DNAH9: variants seen among roughly 807,000 people sequenced by gnomAD.
DNAH9 encodes DNAH9 variant protein.
A neutral mutation model predicts 471.6 loss-of-function variants in DNAH9; 345 were observed. The ratio of observed to expected loss-of-function variants is 0.73; its 90% confidence interval spans 0.67 to 0.80. The LOEUF is 0.80. Among genes scored for constraint, DNAH9 ranks in the 30% least tolerant of loss-of-function variants. The pLI is 0.00. For synonymous variants in DNAH9, 2,093 were observed against 2,123.6 expected, an observed-to-expected ratio of 0.99 and a Z score of 0.40; for missense variants, 5,407 against 5,609.2, an observed-to-expected ratio of 0.96 and a Z score of 1.15.
intron 19 of DNAH9, among the ~76,000 whole-genome samples, chr17:11,685,275 G>A (rs914463882): frequency 1.3e-5 from 2 of 152,114 alleles, no homozygotes; most frequent in African/African-American, 4.8e-5. Context: ...ACAAAATGAG[G>A]ATATTCTGGG....
At chr17:11,618,463 G>A (rs551802645) in intron 5 of DNAH9, among the ~76,000 whole-genome samples, 6 of 152,188 alleles carry the variant, frequency 3.9e-5, no homozygotes, top group Admixed American at 2.0e-4. Flanking sequence ...GTGCACGCCT[G>A]TAGTCCCAGC....
intron 49 of DNAH9, 84 bp downstream of exon 49, chr17:11,834,982 G>A: frequency 6.6e-7 from 1 of 1,516,196 alleles, no homozygotes; most frequent in Non-Finnish European, 8.9e-7. Context: ...AGAGATGCAA[G>A]GACAATGTTG....
Position 11,932,256 on chromosome 17 carries a change from T to G in DNAH9, c.12297+51T>G. On this transcript the variant is annotated intron_variant, in intron 64 of 68. Transcript: ENST00000262442. The surrounding 1 kb of genome is among the most constrained non-coding windows in gnomAD (Gnocchi z 4.3). ...CAGCCAGGTTGGGAGAGGGTTAAAA[T>G]TATTTAATTTTGAGGGGTGAATCAG... 6.3e-7 allele frequency: 1 copy of G among 1,575,058 alleles called. No individual in the cohort carries two copies. Among genetic ancestry groups the G allele is most frequent in the Non-Finnish European group, 8.7e-7 (1 of 1,156,024 alleles).
intron 31 of DNAH9, among the ~76,000 whole-genome samples, chr17:11,747,318 C>T (rs11650740): frequency 0.084 from 12,790 of 152,228 alleles, 693 homozygotes; most frequent in Non-Finnish European, 0.11. Context: ...TCCCCCTCGC[C>T]TGGCACACTC....
chr17:11,756,465 C>T, intron 33 of DNAH9, 103 bp from the exon 34 acceptor site: 2 of 721,536 alleles, frequency 2.8e-6, no homozygotes, highest in Non-Finnish European at 5.0e-6. Context: ...GGAAATAATT[C>T]TCCATAATCC....
chr17:11,734,660 T>C, intron 28 of DNAH9, among the ~76,000 whole-genome samples: 1 of 152,346 alleles, frequency 6.6e-6, no homozygotes, highest in Non-Finnish European at 1.5e-5. Flanking sequence ...GGGGAACCTC[T>C]GGCCTTTTCC....
At position 11,837,417 on chromosome 17, in the gene DNAH9, A is replaced by C. The variant is rs186909387; in HGVS notation, c.9507+2519A>C. Among the ~76,000 whole-genome samples, 61 of 152,332 alleles carry C rather than the reference A, an allele frequency of 4.0e-4. 3 individuals are homozygous for C. The East Asian group carries it at 0.012, about 29-fold the overall frequency. On this transcript the variant is annotated intron_variant, in intron 49 of 68. Transcript: ENST00000262442. ...TCCCTAGTATTAGAGAGGGGAAAACAGGAATTAACAGGTTCTTTATGTCAC... is the reference window on the plus strand; with the variant it reads ...TCCCTAGTATTAGAGAGGGGAAAACCGGAATTAACAGGTTCTTTATGTCAC...
chr17:11,818,885 C>CTATTAT (rs140324358), intron 45 of DNAH9, among the ~76,000 whole-genome samples: 4,025 of 147,162 alleles, frequency 0.027, 97 homozygotes, highest in African/African-American at 0.056. Flanking sequence ...TCCATTATTA[C>CTATTAT]TATTATTATT....
chr17:11,805,662 C>T (rs35028736), intron 43 of DNAH9, among the ~76,000 whole-genome samples: 64,287 of 149,642 alleles, frequency 0.43, 14,205 homozygotes, highest in Non-Finnish European at 0.49. Flanking sequence ...TCAAGAGATA[C>T]TCCTGCCTCA....
chr17:11,941,656 G>A (rs1974910910), intron 66 of DNAH9, among the ~76,000 whole-genome samples: 1 of 152,026 alleles, frequency 6.6e-6, no homozygotes, highest in Non-Finnish European at 1.5e-5. Context: ...AGAAACTGCA[G>A]TGTTGCATCA....
rs2073174717 is a variant in DNAH9 at position 11,636,754 on chromosome 17, A to G, written c.1756A>G (p.Ser586Gly). The G allele has an allele frequency of 6.2e-7, 1 of 1,614,166 alleles. No individual in the cohort carries two copies. Among genetic ancestry groups the G allele is most frequent in the Non-Finnish European group, 8.5e-7 (1 of 1,179,986 alleles). Residue 586 changes from serine to glycine, a missense_variant, in exon 9 of 69, where the codon AGT becomes GGT. Ser to Gly is a moderately conservative substitution (Grantham distance 56). This residue lies in a region of DNAH9 where 4,636 missense variants were observed against 4,900.3 expected (regional missense o/e 0.95). Coordinates refer to ENST00000262442, the MANE Select transcript of DNAH9 (RefSeq NM_001372.4). ...TCTGGATGCAGTGAGGATGATCTAC[A>G]GTCAGCACGTCCAGGAGGAAGCAGA... is the stretch of plus-strand genomic sequence containing the variant. ...KDLDAVRMIYSQHVQEEAELG... is the reference protein window; with the variant it reads ...KDLDAVRMIYGQHVQEEAELG...
chr17:11,619,419 G>A lies in DNAH9; in HGVS notation c.1117-129G>A, dbSNP rs138768571. 707 of 674,168 alleles carry A rather than the reference G, an allele frequency of 1.0e-3. 1 individual carries two copies. Among genetic ancestry groups the A allele is most frequent in the African/African-American group, 0.01 (577 of 55,878 alleles). 41.8% of individuals were successfully genotyped at this position (674,168 alleles called of 1,614,324 possible). ...GCAGTCCACATGTGGAATGGAAAGC[G>A]AGGTCAGATGTTTCCTCTATTATCC... On this transcript the variant is annotated intron_variant, in intron 5 of 68. Coordinates refer to ENST00000262442, the MANE Select transcript of DNAH9 (RefSeq NM_001372.4).
At chr17:11,720,717 C>G (rs1361814582) in intron 27 of DNAH9, among the ~76,000 whole-genome samples, 1 of 152,166 alleles carries the variant, frequency 6.6e-6, no homozygotes, top group Non-Finnish European at 1.5e-5. Flanking sequence ...ATTTCTGTAG[C>G]ATGATTTTGT....
At chr17:11,823,440 C>A (rs189772802) in intron 48 of DNAH9, among the ~76,000 whole-genome samples, 1 of 152,298 alleles carries the variant, frequency 6.6e-6, no homozygotes. Context: ...CACTTCCCTT[C>A]CATCCTCAAA....
At chr17:11,802,593 C>T (rs950381284) in intron 43 of DNAH9, among the ~76,000 whole-genome samples, 1 of 149,966 alleles carries the variant, frequency 6.7e-6, no homozygotes, top group Non-Finnish European at 1.5e-5. Flanking sequence ...GATCGTGCCG[C>T]TGCATTCCAG....
chr17:11,782,860 C>T (rs930181662), intron 39 of DNAH9, among the ~76,000 whole-genome samples: 27 of 152,298 alleles, frequency 1.8e-4, no homozygotes, highest in Admixed American at 1.5e-3. Flanking sequence ...TCTGCCATTG[C>T]ACTCCAGCCT....
intron 43 of DNAH9, among the ~76,000 whole-genome samples, chr17:11,801,370 T>C (rs1391227341): frequency 2.6e-5 from 4 of 152,110 alleles, no homozygotes. Context: ...GCCTAGTGCA[T>C]AGTAGGGTTC....
intron 22 of DNAH9, among the ~76,000 whole-genome samples, chr17:11,696,480 C>T (rs1413650675): frequency 6.6e-6 from 1 of 152,076 alleles, no homozygotes; most frequent in African/African-American, 2.4e-5. Context: ...GTGAGATTCC[C>T]GGCTCAAAGG....
At chr17:11,943,174 G>A (rs994328888) in intron 67 of DNAH9, among the ~76,000 whole-genome samples, 9 of 152,046 alleles carry the variant, frequency 5.9e-5, no homozygotes, top group African/African-American at 2.2e-4. Flanking sequence ...GATTATAGGT[G>A]TGAGCCACTG....
Sources: allele counts gnomAD v4.1 joint callset (sites outside exome capture counted in the v4.1 genomes callset), GRCh38; gene constraint gnomAD v4.1.1; regional missense constraint gnomAD v4.1.1; non-coding constraint Gnocchi (gnomAD v3.1); transcripts MANE v1.5; gene names NCBI Gene and HGNC (gene_info 2026-07-23, HGNC 2026-07-21).